Variants in FAM124A observed in about 807,000 individuals in gnomAD.
FAM124A encodes protein FAM124A.
A neutral mutation model predicts 24.5 loss-of-function variants in FAM124A; 23 were observed. The observed-to-expected ratio is 0.94, with a 90% CI of 0.68 to 1.33. The LOEUF is 1.33. Among genes scored for constraint, FAM124A ranks in the 40% most tolerant of loss-of-function variants. The pLI is 0.00. For missense variants in FAM124A, 623 were observed against 722.8 expected (o/e 0.86, Z 1.58); for synonymous variants, 287 against 314.7 (o/e 0.91, Z 0.93).
chr13:51,270,279 C>T (rs575146356), intron 3 of FAM124A, among the ~76,000 whole-genome samples: 1 of 152,296 alleles, frequency 6.6e-6, no homozygotes, highest in East Asian at 1.9e-4. Flanking sequence ...CTTGAGATAA[C>T]TCATTATTTA....
intron 3 of FAM124A, among the ~76,000 whole-genome samples, chr13:51,275,209 CA>C (rs34573330): frequency 0.17 from 17,627 of 101,878 alleles, 1,131 homozygotes; most frequent in African/African-American, 0.26. Context: ...CCTGTATATA[CA>C]AAAAAAAAAA....
chr13:51,250,587 G>A (rs1954608643), intron 2 of FAM124A, among the ~76,000 whole-genome samples: 1 of 152,236 alleles, frequency 6.6e-6, no homozygotes, highest in African/African-American at 2.4e-5. Context: ...TTCCGCCAGA[G>A]ATCACAGGGA....
At chr13:51,230,250 A>G (rs1057481237) in intron 1 of FAM124A, among the ~76,000 whole-genome samples, 18 of 152,178 alleles carry the variant, frequency 1.2e-4, no homozygotes, top group African/African-American at 3.4e-4. Flanking sequence ...CCAATAAATC[A>G]ATGCAGCATT....
chr13:51,278,408 T>A (rs1167781748), intron 3 of FAM124A, among the ~76,000 whole-genome samples: 1 of 152,118 alleles, frequency 6.6e-6, no homozygotes, highest in Non-Finnish European at 1.5e-5. Context: ...CAGGTGCGGG[T>A]TGTCTTTAAA....
intron 1 of FAM124A, among the ~76,000 whole-genome samples, chr13:51,224,465 C>A (rs9568555): frequency 0.16 from 22,755 of 139,760 alleles, 2,195 homozygotes; most frequent in East Asian, 0.49. Context: ...GAGCAAAACT[C>A]CATCTCCAAA....
At chr13:51,253,084 A>G (rs1469820442) in intron 3 of FAM124A, 1 of 152,244 alleles carries the variant, frequency 6.6e-6, no homozygotes, top group Non-Finnish European at 1.5e-5. Flanking sequence ...TTCCAGGAGT[A>G]TAGGGCCTTG....
intron 3 of FAM124A, chr13:51,253,480 C>A (rs935146229): frequency 3.9e-5 from 6 of 152,166 alleles, no homozygotes; most frequent in African/African-American, 1.4e-4. Context: ...GCTCTATAAT[C>A]CCTTTTGAAA....
At chr13:51,263,490 G>T (rs1207839278) in intron 3 of FAM124A, among the ~76,000 whole-genome samples, 1 of 152,222 alleles carries the variant, frequency 6.6e-6, no homozygotes, top group Non-Finnish European at 1.5e-5. Context: ...AGCCCCACAT[G>T]CCTCTCAGGG....
chr13:51,229,584 A>G (rs1954352509), intron 1 of FAM124A, among the ~76,000 whole-genome samples: 5 of 152,242 alleles, frequency 3.3e-5, no homozygotes, highest in Admixed American at 1.3e-4. Flanking sequence ...GGAAAATCCT[A>G]GCTGAAAATA....
intron 2 of FAM124A, among the ~76,000 whole-genome samples, chr13:51,234,078 C>T (rs969123381): frequency 2.0e-5 from 3 of 152,200 alleles, no homozygotes; most frequent in African/African-American, 7.2e-5. Context: ...CAGCCTCTCT[C>T]GACTCAGTGG....
chr13:51,224,669 C>CA (rs1399656812), intron 1 of FAM124A, among the ~76,000 whole-genome samples: 9 of 152,184 alleles, frequency 5.9e-5, no homozygotes. Context: ...CCAGCTTTCA[C>CA]AGAGATTATG....
chr13:51,223,697 T>G (rs1954286997), intron 1 of FAM124A, among the ~76,000 whole-genome samples: 1 of 152,174 alleles, frequency 6.6e-6, no homozygotes, highest in Non-Finnish European at 1.5e-5. Context: ...GCAATGGGCT[T>G]TCTCTGTTAT....
chr13:51,280,319 A>C, intron 3 of FAM124A, 131 bp from the exon 4 acceptor site: 1 of 814,904 alleles, frequency 1.2e-6, no homozygotes. Flanking sequence ...TAGAGATTGC[A>C]GAACTGGTAA....
chr13:51,252,988 A>G (rs998204869), intron 3 of FAM124A: 1 of 152,232 alleles, frequency 6.6e-6, no homozygotes, highest in African/African-American at 2.4e-5. Flanking sequence ...AAAATTCAGC[A>G]TGTATATTAC....
intron 2 of FAM124A, among the ~76,000 whole-genome samples, chr13:51,234,861 T>C (rs919049206): frequency 1.3e-5 from 2 of 152,152 alleles, no homozygotes; most frequent in Non-Finnish European, 2.9e-5. Flanking sequence ...TCGGTCACAG[T>C]AGAGAGACTG....
chr13:51,251,459 T>C lies in FAM124A; in HGVS notation c.101-9T>C. 1 of 1,494,722 alleles carries C rather than the reference T, an allele frequency of 6.7e-7. No individual in the cohort carries two copies. The highest frequency in any genetic ancestry group is 8.9e-7 in the Non-Finnish European group (1 of 1,121,634). 92.6% of individuals were successfully genotyped at this position (1,494,722 alleles called of 1,614,324 possible). A position where few individuals can be genotyped will look rare whatever the true frequency, so the allele number is the denominator to read the frequency against. ...TTCATTCATCCATTCGTTTTTTGCG[T>C]GCCCCCAGGTGAGCTTTCCGTTGAA... On this transcript the variant is annotated splice_polypyrimidine_tract_variant and intron_variant, in intron 2 of 3. Transcript: ENST00000322475. The surrounding 1 kb of genome is among the most constrained non-coding windows in gnomAD (Gnocchi z 5.3).
chr13:51,239,860 T>C (rs1161081042), intron 2 of FAM124A, among the ~76,000 whole-genome samples: 1 of 152,170 alleles, frequency 6.6e-6, no homozygotes, highest in Middle Eastern at 3.2e-3. Context: ...TTTTAAACAA[T>C]AACAATGAGC....
chr13:51,232,528 G>C (rs1353731600), intron 2 of FAM124A, among the ~76,000 whole-genome samples: 1 of 152,146 alleles, frequency 6.6e-6, no homozygotes, highest in Non-Finnish European at 1.5e-5. Flanking sequence ...ATCTGGATTT[G>C]TAATTTAGTG....
At chr13:51,225,532 C>G (rs1252214125) in intron 1 of FAM124A, among the ~76,000 whole-genome samples, 3 of 151,966 alleles carry the variant, frequency 2.0e-5, no homozygotes, top group Non-Finnish European at 2.9e-5. Context: ...GATAAAGGAG[C>G]CTGAGAAAGA....
Sources: allele counts gnomAD v4.1 joint callset (sites outside exome capture counted in the v4.1 genomes callset), GRCh38; gene constraint gnomAD v4.1.1; non-coding constraint Gnocchi (gnomAD v3.1); transcripts MANE v1.5; gene names NCBI Gene and HGNC (gene_info 2026-07-23, HGNC 2026-07-21).